Variants in P2RY8 observed in about 807,000 individuals in gnomAD.
The protein encoded by P2RY8 is S-geranylgeranyl-glutathione receptor P2RY8.
Under a neutral mutation model 10.0 loss-of-function variants are expected in P2RY8, and 6 were observed. That is an observed-to-expected ratio of 0.60 (90% CI 0.33 to 1.19). The LOEUF is 1.19. P2RY8 is among the 50% of genes most tolerant of loss of function. The probability of loss-of-function intolerance (pLI) is 0.04; values close to 1 mark genes in which losing one functional copy is unlikely to be tolerated. For missense variants in P2RY8, 456 were observed against 542.0 expected, an observed-to-expected ratio of 0.84 and a Z score of 1.58; for synonymous variants, 276 against 252.5, an observed-to-expected ratio of 1.09 and a Z score of -0.88.
intron 1 of P2RY8, among the ~76,000 whole-genome samples, chrX:1,503,977 C>T (rs1226663222): frequency 6.6e-6 from 1 of 152,086 alleles, no homozygotes; most frequent in South Asian, 2.1e-4. Context: ...TGGTGTTTTA[C>T]AGGCAATTAT....
In P2RY8 at chrX:1,502,835, C is replaced by T. The variant is rs770456881; in HGVS notation, c.-25+34086G>A. 5.3e-5 allele frequency among the ~76,000 whole-genome samples: 8 copies of T among 149,664 alleles called. No homozygotes were observed. In the South Asian group the frequency reaches 1.3e-3, roughly 24 times the overall value. ...GACGGAGACAGAGCCTGGAATGACG[C>T]GGCCACAAGCCCAGGGATGCCTGGA... On this transcript the variant is annotated intron_variant, in intron 1 of 1. Coordinates refer to ENST00000381297, the MANE Select transcript of P2RY8 (RefSeq NM_178129.5).
chrX:1,468,467 T>C (rs1449246214), intron 1 of P2RY8, among the ~76,000 whole-genome samples: 2 of 152,222 alleles, frequency 1.3e-5, no homozygotes, highest in Non-Finnish European at 2.9e-5. Context: ...CAGCCAGGAC[T>C]GCTGAGGAAC....
chrX:1,500,007 T>C (rs188988434), intron 1 of P2RY8, among the ~76,000 whole-genome samples: 4 of 92,740 alleles, frequency 4.3e-5, no homozygotes, highest in South Asian at 7.3e-4. Context: ...TACAGGCGTG[T>C]ACCACCATGC....
intron 1 of P2RY8, among the ~76,000 whole-genome samples, chrX:1,502,728 G>A (rs1431226766): frequency 1.3e-5 from 2 of 152,220 alleles, no homozygotes; most frequent in Non-Finnish European, 2.9e-5. Context: ...TGCATTGTCT[G>A]GGTGGGCCTT....
intron 1 of P2RY8, among the ~76,000 whole-genome samples, chrX:1,486,751 A>G (rs2091989566): frequency 2.6e-5 from 4 of 152,212 alleles, no homozygotes; most frequent in Admixed American, 2.6e-4. Context: ...TGTCTCTTGA[A>G]GCAGGAAGGA....
At chrX:1,508,681 T>TC (rs2092257045) in intron 1 of P2RY8, among the ~76,000 whole-genome samples, 1 of 79,346 alleles carries the variant, frequency 1.3e-5, no homozygotes, top group South Asian at 3.4e-4. Flanking sequence ...TATCTATCCA[T>TC]CATCCATCCA....
intron 1 of P2RY8, among the ~76,000 whole-genome samples, chrX:1,515,260 C>G (rs1180295513): frequency 6.6e-6 from 1 of 151,498 alleles, no homozygotes; most frequent in African/African-American, 2.4e-5. Flanking sequence ...ATAAAAACAA[C>G]TTTGTAGAGA....
intron 1 of P2RY8, among the ~76,000 whole-genome samples, chrX:1,471,078 G>GCTC (rs1295198944): frequency 6.6e-6 from 1 of 151,696 alleles, no homozygotes; most frequent in Admixed American, 6.6e-5. Context: ...TGTGATCTCG[G>GCTC]CTCTCGGCAA....
At position 1,471,309 on chromosome X, in the gene P2RY8, A is replaced by ATTTT. The variant is rs1159260456; in HGVS notation, c.-24-4731_-24-4728dup. Among the ~76,000 whole-genome samples the ATTTT allele has an allele frequency of 4.0e-3, 403 of 100,018 alleles. 17 individuals carry two copies. The highest frequency in any genetic ancestry group is 7.6e-3 in the African/African-American group (197 of 26,030). The allele number at this position is 100,018 out of a possible 152,430, so 65.6% of individuals were successfully genotyped here. A position where few individuals can be genotyped will look rare whatever the true frequency, so the allele number is the denominator to read the frequency against. Reference sequence around the variant, plus strand: ...AGACGTGAGCCACCGCGCCCAGCCCATTTTTTTTTTTTTTTTTTTTTTGTA... The same window carrying ATTTT: ...AGACGTGAGCCACCGCGCCCAGCCCATTTTTTTTTTTTTTTTTTTTTTTTTTGTA... On this transcript the variant is annotated intron_variant, in intron 1 of 1. Coordinates refer to ENST00000381297, the MANE Select transcript of P2RY8 (RefSeq NM_178129.5).
rs2149367544 is a variant in P2RY8 at position 1,464,579 on chromosome X, G to T, written c.*900C>A. The T allele has an allele frequency of 4.3e-6, 1 of 233,436 alleles. No individual in the cohort carries two copies. The highest frequency in any genetic ancestry group is 8.5e-6 in the Non-Finnish European group (1 of 118,182). 14.5% of individuals were successfully genotyped at this position (233,436 alleles called of 1,614,324 possible). On this transcript the variant is annotated 3_prime_UTR_variant, in exon 2 of 2. Transcript: ENST00000381297. ...TCAAGCTGCACCCTTGTGTTGGGAT[G>T]GGCTGGACCCCATCTCACGGAGCCT...
chrX:1,524,409 G>GCATGCATC (rs1309158911), intron 1 of P2RY8, among the ~76,000 whole-genome samples: 75,836 of 110,158 alleles, frequency 0.69, 26,168 homozygotes, highest in East Asian at 0.88. Context: ...ATCCATGCAT[G>GCATGCATC]CATCCATCCA....
At chrX:1,467,451 C>T (rs1177411255) in intron 1 of P2RY8, among the ~76,000 whole-genome samples, 1 of 152,202 alleles carries the variant, frequency 6.6e-6, no homozygotes, top group Non-Finnish European at 1.5e-5. Context: ...GTCAGCACCG[C>T]TCCCCACGGC....
At chrX:1,481,409 C>T (rs772804914) in intron 1 of P2RY8, among the ~76,000 whole-genome samples, 71 of 152,308 alleles carry the variant, frequency 4.7e-4, no homozygotes, top group African/African-American at 1.7e-3. Flanking sequence ...GGTGATCCAC[C>T]TGCCTCGACC....
chrX:1,519,888 C>T (rs1254350760), intron 1 of P2RY8, among the ~76,000 whole-genome samples: 3 of 151,126 alleles, frequency 2.0e-5, no homozygotes, highest in Admixed American at 1.3e-4. Flanking sequence ...TCTCTCTGGT[C>T]CCCAAAAATC....
chrX:1,472,922 A>G (rs182338504), intron 1 of P2RY8, among the ~76,000 whole-genome samples: 5 of 106,486 alleles, frequency 4.7e-5, no homozygotes, highest in Non-Finnish European at 9.2e-5. Flanking sequence ...GTGGATGGGT[A>G]GATGGATGGG....
chrX:1,523,922 C>T (rs1327692141), intron 1 of P2RY8, among the ~76,000 whole-genome samples: 2 of 152,166 alleles, frequency 1.3e-5, no homozygotes, highest in Admixed American at 6.5e-5. Context: ...AACTCCTGAC[C>T]TCAAGTGACC....
intron 1 of P2RY8, among the ~76,000 whole-genome samples, chrX:1,520,157 C>T (rs2092380556): frequency 6.6e-6 from 1 of 151,634 alleles, no homozygotes; most frequent in African/African-American, 2.4e-5. Context: ...CTGTGGTCCC[C>T]AATATTCTCT....
At chrX:1,536,550 C>T (rs2092528821) in intron 1 of P2RY8, among the ~76,000 whole-genome samples, 1 of 152,072 alleles carries the variant, frequency 6.6e-6, no homozygotes, top group South Asian at 2.1e-4. Flanking sequence ...GCACCTGCCA[C>T]CACGCCTGGC....
chrX:1,505,112 T>C (rs188949946), intron 1 of P2RY8, among the ~76,000 whole-genome samples: 2,321 of 129,900 alleles, frequency 0.018, 54 homozygotes, highest in African/African-American at 0.063. Context: ...CACTCCAGCC[T>C]GGGTGACAGA....
Sources: allele counts gnomAD v4.1 joint callset (sites outside exome capture counted in the v4.1 genomes callset), GRCh38; gene constraint gnomAD v4.1.1; transcripts MANE v1.5; gene names NCBI Gene and HGNC (gene_info 2026-07-23, HGNC 2026-07-21).